Variants in ELP4 observed in about 807,000 individuals in gnomAD.
ELP4 encodes the protein elongator acetyltransferase complex subunit 4.
A neutral mutation model predicts 48.9 loss-of-function variants in ELP4; 51 were observed. The observed-to-expected ratio is 1.04, with a 90% CI of 0.83 to 1.32. ELP4 has a LOEUF of 1.32. ELP4 is among the 40% of genes most tolerant of loss of function. The pLI is 0.00. For missense variants in ELP4, 519 were observed against 514.6 expected, an observed-to-expected ratio of 1.01 and a Z score of -0.08; for synonymous variants, 210 against 189.2, an observed-to-expected ratio of 1.11 and a Z score of -0.90.
chr11:31,671,603 G>A (rs572855914), intron 9 of ELP4, among the ~76,000 whole-genome samples: 4 of 152,062 alleles, frequency 2.6e-5, no homozygotes, highest in Non-Finnish European at 5.9e-5. Context: ...CAGTTGGACT[G>A]AAAGGCATAC....
chr11:31,774,807 CAG>C (rs769782662), intron 9 of ELP4, among the ~76,000 whole-genome samples: 11 of 152,184 alleles, frequency 7.2e-5, no homozygotes, highest in Non-Finnish European at 1.6e-4. Flanking sequence ...ACTATATAAA[CAG>C]AATATAGATT....
In ELP4 at chr11:31,771,124, T is replaced by G. The variant is rs796794728; in HGVS notation, c.1144-12269T>G. Reference sequence around the variant, plus strand: ...GCTAGAGTTTCTCCTTCATGGACATTTCACACAAGTCTCAACTCCTCTACC... The same window carrying G: ...GCTAGAGTTTCTCCTTCATGGACATGTCACACAAGTCTCAACTCCTCTACC... On this transcript the variant is annotated intron_variant, in intron 9 of 9. Coordinates refer to ENST00000640961, the MANE Select transcript of ELP4 (RefSeq NM_019040.5). Among the ~76,000 whole-genome samples, 3 of 152,192 alleles carry G rather than the reference T, an allele frequency of 2.0e-5. No homozygotes were observed. The South Asian group carries it at 6.2e-4, about 32-fold the overall frequency.
At chr11:31,778,922 T>G (rs1948307009) in intron 9 of ELP4, among the ~76,000 whole-genome samples, 1 of 152,202 alleles carries the variant, frequency 6.6e-6, no homozygotes, top group Non-Finnish European at 1.5e-5. Context: ...TCACTGTATT[T>G]TATTGTCCAG....
At chr11:31,589,743 G>T (rs562519435) in intron 3 of ELP4, among the ~76,000 whole-genome samples, 4 of 152,100 alleles carry the variant, frequency 2.6e-5, no homozygotes, top group African/African-American at 9.7e-5. Flanking sequence ...CATCAGTTTT[G>T]ACCTTATCAG....
At chr11:31,666,948 T>C (rs1945693378) in intron 9 of ELP4, among the ~76,000 whole-genome samples, 1 of 152,076 alleles carries the variant, frequency 6.6e-6, no homozygotes, top group Non-Finnish European at 1.5e-5. Context: ...TTCAAAAATG[T>C]GTTAGTATGT....
At chr11:31,552,044 T>G (rs1956862198) in intron 3 of ELP4, among the ~76,000 whole-genome samples, 1 of 152,202 alleles carries the variant, frequency 6.6e-6, no homozygotes, top group Non-Finnish European at 1.5e-5. Flanking sequence ...TGTATGTTAC[T>G]GTGGTCATCT....
intron 5 of ELP4, among the ~76,000 whole-genome samples, chr11:31,608,928 A>T (rs1463031097): frequency 6.6e-6 from 1 of 152,108 alleles, no homozygotes; most frequent in African/African-American, 2.4e-5. Context: ...TCTGATGCAG[A>T]TAGGGCCAAG....
At chr11:31,772,029 C>T (rs559618150) in intron 9 of ELP4, among the ~76,000 whole-genome samples, 82 of 152,130 alleles carry the variant, frequency 5.4e-4, no homozygotes, top group African/African-American at 2.0e-3. Context: ...CCAGAAAGGC[C>T]TTCGCCTACT....
intron 9 of ELP4, among the ~76,000 whole-genome samples, chr11:31,658,363 A>G (rs1337413088): frequency 3.3e-5 from 1 of 30,746 alleles, no homozygotes; most frequent in Non-Finnish European, 2.6e-4. Context: ...ATGTTATTTT[A>G]TATATATATA....
rs539201009 is a variant in ELP4 at position 31,602,191 on chromosome 11, G to A, written c.514-1577G>A. Among the ~76,000 whole-genome samples, 4 of 152,036 alleles carry A rather than the reference G, an allele frequency of 2.6e-5. No homozygotes were observed. The South Asian group carries it at 6.2e-4, about 24-fold the overall frequency. On this transcript the variant is annotated intron_variant, in intron 4 of 9. Coordinates refer to ENST00000640961, the MANE Select transcript of ELP4 (RefSeq NM_019040.5). ...AAGGCCTTTCTAAAACATTAAGGGG[G>A]CTTGGACTTACACAATAAAAAGATG...
At chr11:31,511,077 C>T (rs2133864205) in intron 1 of ELP4, 1 of 152,292 alleles carries the variant, frequency 6.6e-6, no homozygotes, top group Middle Eastern at 3.4e-3. Context: ...AGACCAGCAA[C>T]CTATGAGAAA....
At chr11:31,677,565 A>G (rs1349827768) in intron 9 of ELP4, among the ~76,000 whole-genome samples, 1 of 152,128 alleles carries the variant, frequency 6.6e-6, no homozygotes, top group Non-Finnish European at 1.5e-5. Context: ...AATTTAGAAA[A>G]TACTCCAAGT....
intron 4 of ELP4, among the ~76,000 whole-genome samples, chr11:31,598,051 G>A (rs188919202): frequency 6.7e-6 from 1 of 149,978 alleles, no homozygotes; most frequent in Non-Finnish European, 1.5e-5. Flanking sequence ...CGCCTCCCGG[G>A]TTCAAGCGAT....
At chr11:31,734,573 A>G (rs1156760768) in intron 9 of ELP4, among the ~76,000 whole-genome samples, 1 of 152,258 alleles carries the variant, frequency 6.6e-6, no homozygotes, top group Non-Finnish European at 1.5e-5. Flanking sequence ...AGCACTAAAC[A>G]GTCAAAAGGA....
chr11:31,777,003 TCA>T (rs1948262224), intron 9 of ELP4, among the ~76,000 whole-genome samples: 1 of 152,168 alleles, frequency 6.6e-6, no homozygotes, highest in South Asian at 2.1e-4. Flanking sequence ...ACTGGCCTAT[TCA>T]TATATGACAA....
At chr11:31,589,233 T>TA (rs1024284623) in intron 3 of ELP4, among the ~76,000 whole-genome samples, 1 of 152,174 alleles carries the variant, frequency 6.6e-6, no homozygotes, top group African/African-American at 2.4e-5. Context: ...TTGTACTTCT[T>TA]ACGGTGCTCA....
chr11:31,639,057 A>G (rs1945036376), intron 7 of ELP4, among the ~76,000 whole-genome samples: 1 of 151,882 alleles, frequency 6.6e-6, no homozygotes, highest in South Asian at 2.1e-4. Flanking sequence ...GCACTTTATT[A>G]AGAAGAATAG....
chr11:31,651,751 A>G (rs1390771025), intron 9 of ELP4: 6 of 151,734 alleles, frequency 4.0e-5, no homozygotes, highest in African/African-American at 1.5e-4. Context: ...TCAGTATTCT[A>G]ACAACCACAT....
intron 3 of ELP4, among the ~76,000 whole-genome samples, chr11:31,585,472 C>T (rs112328624): frequency 6.6e-6 from 1 of 151,214 alleles, no homozygotes; most frequent in Non-Finnish European, 1.5e-5. Flanking sequence ...TTTTGCCTAA[C>T]CTCTTATAAC....
Sources: gnomAD v4.1 joint callset for allele counts (sites outside exome capture counted in the v4.1 genomes callset) on GRCh38, gnomAD v4.1.1 for gene constraint, MANE v1.5 for transcripts, NCBI Gene and HGNC (gene_info 2026-07-23, HGNC 2026-07-21) for gene names.